MAGED1: variants seen among roughly 807,000 people sequenced by gnomAD.
MAGED1 encodes the protein melanoma-associated antigen D1.
A neutral mutation model predicts 54.1 loss-of-function variants in MAGED1; 3 were observed. The ratio of observed to expected loss-of-function variants is 0.06; its 90% CI spans 0.03 to 0.14. The LOEUF (loss-of-function observed/expected upper bound fraction) is 0.14, where lower values mean the gene tolerates loss of function less well. Among genes scored for constraint, MAGED1 ranks in the 10% least tolerant of loss-of-function variants. MAGED1 has a pLI of 1.00. For synonymous variants in MAGED1, 217 were observed against 227.3 expected (o/e 0.95, Z 0.41); for missense variants, 485 against 623.4 (o/e 0.78, Z 2.36).
At chrX:51,824,052 A>C (rs953324960) in intron 1 of MAGED1, among the ~76,000 whole-genome samples, 5 of 111,907 alleles carry the variant, frequency 4.5e-5, no homozygotes, top group Non-Finnish European at 9.4e-5. Context: ...TTAAAAAAGC[A>C]ACAACTATAT....
At position 51,852,207 on chromosome X, in the gene MAGED1, C is replaced by T. The variant is rs782537247; in HGVS notation, c.-36-42062C>T. On this transcript the variant is annotated intron_variant, in intron 1 of 12. Coordinates refer to the MAGED1 transcript ENST00000375772. The stretch of plus-strand genomic sequence containing the variant: ...CAGCTCTCTGACTCTGACCTGCTCC[C>T]GTTGCCATCTCTCCTCTGACTCTGA... 1.7e-4 allele frequency among the ~76,000 whole-genome samples: 19 copies of T among 111,834 alleles called. 1 individual carries two copies. The South Asian group carries it at 6.8e-3, about 40-fold the overall frequency.
chrX:51,880,435 C>T (rs1318446374), intron 1 of MAGED1, among the ~76,000 whole-genome samples: 2 of 111,910 alleles, frequency 1.8e-5, no homozygotes, highest in African/African-American at 6.5e-5. Flanking sequence ...GGACTCCATA[C>T]TGCTGGAGAT....
At chrX:51,814,863 G>A (rs1176946645) in intron 1 of MAGED1, among the ~76,000 whole-genome samples, 1 of 108,905 alleles carries the variant, frequency 9.2e-6, no homozygotes, top group Non-Finnish European at 1.9e-5. Flanking sequence ...AGGTGTGGTG[G>A]CTCACGCCTG....
upstream of MAGED1, among the ~76,000 whole-genome samples, chrX:51,893,037 A>G (rs782403443): frequency 9.0e-6 from 1 of 110,690 alleles, no homozygotes; most frequent in African/African-American, 3.3e-5. Flanking sequence ...AAGAAAGGGA[A>G]GAAACTAACG....
intron 1 of MAGED1, among the ~76,000 whole-genome samples, chrX:51,811,003 A>G (rs1925199426): frequency 1.8e-5 from 2 of 112,205 alleles, no homozygotes; most frequent in African/African-American, 6.5e-5. Flanking sequence ...AAATAATCCA[A>G]ATTCTAATTA....
At chrX:51,821,451 T>G (rs1925628571) in intron 1 of MAGED1, among the ~76,000 whole-genome samples, 1 of 111,084 alleles carries the variant, frequency 9.0e-6, no homozygotes, top group Admixed American at 9.6e-5. Flanking sequence ...AGTACAGTGG[T>G]GCAATCTCTG....
chrX:51,884,372 C>T (rs1242470517), intron 1 of MAGED1, among the ~76,000 whole-genome samples: 1 of 111,763 alleles, frequency 8.9e-6, no homozygotes, highest in Non-Finnish European at 1.9e-5. Context: ...AGAAAAGACT[C>T]ATTAACCTGG....
At chrX:51,889,500 T>A (rs1248640225), upstream of MAGED1, among the ~76,000 whole-genome samples, 1 of 107,154 alleles carries the variant, frequency 9.3e-6, no homozygotes, top group African/African-American at 3.4e-5. Flanking sequence ...TGGTGGTGGG[T>A]GCCTGTAATC....
In MAGED1 at chrX:51,897,193, C is replaced by T. The variant is rs375510754; in HGVS notation, c.1423-15C>T. Reference sequence around the variant, plus strand: ...AATATTTTATAAGTTTAATGATTTCCTTTTTCCCTCCCAGGCAAATAAGTT... The same window carrying T: ...AATATTTTATAAGTTTAATGATTTCTTTTTTCCCTCCCAGGCAAATAAGTT... On this transcript the variant is annotated splice_polypyrimidine_tract_variant and intron_variant, in intron 4 of 12. Transcript: ENST00000326587. 4 of 1,208,733 alleles carry T rather than the reference C, an allele frequency of 3.3e-6. No individual in the cohort carries two copies. The highest frequency in any genetic ancestry group is 4.5e-6 in the Non-Finnish European group (4 of 893,712).
At chrX:51,894,402 C>T in intron 2 of MAGED1, 53 bp downstream of exon 2, 1 of 1,092,872 alleles carries the variant, frequency 9.2e-7, no homozygotes, top group Non-Finnish European at 1.3e-6. Flanking sequence ...GTCACCCCTC[C>T]CCGCGGGCCT....
upstream of MAGED1, among the ~76,000 whole-genome samples, chrX:51,893,076 G>A (rs1928507931): frequency 9.0e-6 from 1 of 110,645 alleles, no homozygotes; most frequent in Admixed American, 9.6e-5. Context: ...GCTTGTGGGG[G>A]CGGGCAGGGG....
chrX:51,887,943 A>G (rs1462297021), intron 1 of MAGED1, among the ~76,000 whole-genome samples: 3 of 111,348 alleles, frequency 2.7e-5, no homozygotes, highest in Non-Finnish European at 5.6e-5. Flanking sequence ...TATCTGACAA[A>G]AGACTCATAC....
chrX:51,805,445 G>A (rs2146944631), intron 1 of MAGED1, among the ~76,000 whole-genome samples: 1 of 110,097 alleles, frequency 9.1e-6, no homozygotes, highest in African/African-American at 3.3e-5. Context: ...TCCTGGTCTG[G>A]TTCTCTCTAT....
chrX:51,854,914 C>T (rs1927032878), intron 1 of MAGED1, among the ~76,000 whole-genome samples: 1 of 111,196 alleles, frequency 9.0e-6, no homozygotes, highest in African/African-American at 3.3e-5. Flanking sequence ...TCCTTGCTTT[C>T]CTCTCCTAGT....
At chrX:51,854,299 G>A (rs1927002597) in intron 1 of MAGED1, among the ~76,000 whole-genome samples, 1 of 112,006 alleles carries the variant, frequency 8.9e-6, no homozygotes, top group Non-Finnish European at 1.9e-5. Context: ...CTTTTCAACT[G>A]CAGTATTTTC....
chrX:51,821,699 AATT>A (rs1557356541), intron 1 of MAGED1, among the ~76,000 whole-genome samples: 1 of 111,670 alleles, frequency 9.0e-6, no homozygotes, highest in African/African-American at 3.3e-5. Flanking sequence ...CCTGATCTTT[AATT>A]ATTAAGTATG....
chrX:51,895,889 G>A, intron 3 of MAGED1, 129 bp downstream of exon 3: 1 of 514,244 alleles, frequency 1.9e-6, no homozygotes, highest in Non-Finnish European at 3.2e-6. Flanking sequence ...TGAAGAGAAT[G>A]TTTATTCCTG....
chrX:51,849,079 T>C (rs1030653356), intron 1 of MAGED1, among the ~76,000 whole-genome samples: 11 of 110,651 alleles, frequency 9.9e-5, no homozygotes, highest in African/African-American at 3.3e-4. Flanking sequence ...AATTTCTTTT[T>C]GTAGAAAAGA....
intron 1 of MAGED1, among the ~76,000 whole-genome samples, chrX:51,840,797 G>T (rs1557358437): frequency 9.1e-6 from 1 of 110,193 alleles, no homozygotes; most frequent in Non-Finnish European, 1.9e-5. Flanking sequence ...GTATTCCATG[G>T]TGTATATGTG....
Sources: allele counts gnomAD v4.1 joint callset (sites outside exome capture counted in the v4.1 genomes callset), GRCh38; gene constraint gnomAD v4.1.1; transcripts MANE v1.5; gene names NCBI Gene and HGNC (gene_info 2026-07-23, HGNC 2026-07-21).